JMJD1C: variants seen among roughly 807,000 people sequenced by gnomAD.
JMJD1C encodes the protein jumonji domain-containing protein 1C.
Under a neutral mutation model 245.3 loss-of-function variants are expected in JMJD1C, and 31 were observed. That is an observed-to-expected ratio of 0.13 (90% CI 0.09 to 0.17). JMJD1C has a LOEUF of 0.17. JMJD1C is among the 10% of genes least tolerant of loss of function. JMJD1C has a pLI of 1.00. For missense variants in JMJD1C, 2,691 were observed against 3,000.2 expected, an observed-to-expected ratio of 0.90 and a Z score of 2.41; for synonymous variants, 1,057 against 1,017.4, an observed-to-expected ratio of 1.04 and a Z score of -0.74.
At chr10:63,340,149 T>A (rs1943234620) in intron 2 of JMJD1C, among the ~76,000 whole-genome samples, 1 of 152,202 alleles carries the variant, frequency 6.6e-6, no homozygotes, top group Non-Finnish European at 1.5e-5. Context: ...TGACACCACA[T>A]GTGGGAATTT....
At chr10:63,317,441 C>A (rs925832523) in intron 2 of JMJD1C, among the ~76,000 whole-genome samples, 1 of 151,988 alleles carries the variant, frequency 6.6e-6, no homozygotes, top group Non-Finnish European at 1.5e-5. Flanking sequence ...TAACTATAGT[C>A]ATCCTGCTCT....
chr10:63,202,604 T>C (rs1005657024), intron 10 of JMJD1C: 5 of 985,340 alleles, frequency 5.1e-6, no homozygotes, highest in Non-Finnish European at 6.0e-6. Flanking sequence ...TACAATTACA[T>C]GCTTTCCCCT....
At chr10:63,355,769 C>G (rs1177948714) in intron 2 of JMJD1C, among the ~76,000 whole-genome samples, 1 of 151,830 alleles carries the variant, frequency 6.6e-6, no homozygotes, top group Non-Finnish European at 1.5e-5. Flanking sequence ...AATGTGTGCT[C>G]ATGTGCATTT....
At chr10:63,306,262 G>C (rs925589817) in intron 2 of JMJD1C, among the ~76,000 whole-genome samples, 1 of 151,918 alleles carries the variant, frequency 6.6e-6, no homozygotes, top group Admixed American at 6.6e-5. Context: ...GCTAATTTTT[G>C]TATTTTTAGT....
At chr10:63,381,137 G>A (rs1947181727) in intron 1 of JMJD1C, among the ~76,000 whole-genome samples, 1 of 152,180 alleles carries the variant, frequency 6.6e-6, no homozygotes, top group South Asian at 2.1e-4. Context: ...AGAACTGGAG[G>A]TGATTATGTT....
rs988550037 is a variant in JMJD1C at position 63,421,807 on chromosome 10, A to C, written c.169-41325T>G. Among the ~76,000 whole-genome samples, 9 of 152,294 alleles carry C rather than the reference A, an allele frequency of 5.9e-5. No homozygotes were observed. In the East Asian group the frequency reaches 1.7e-3, roughly 29 times the overall value. On this transcript the variant is annotated intron_variant, in intron 1 of 25. Coordinates refer to ENST00000399262, the MANE Select transcript of JMJD1C (RefSeq NM_032776.3). The stretch of plus-strand genomic sequence containing the variant: ...CTCTTACCCTGTCATACACAAGAGA[A>C]GGCCATGTGAGGACATGGCAAGAAA...
chr10:63,296,014 T>TATATATA (rs1554877207), intron 2 of JMJD1C, among the ~76,000 whole-genome samples: 2 of 23,816 alleles, frequency 8.4e-5, no homozygotes, highest in African/African-American at 4.3e-4. Context: ...TATATATATA[T>TATATATA]TTTTTTTTTT....
intron 2 of JMJD1C, among the ~76,000 whole-genome samples, chr10:63,296,765 T>A (rs1859480090): frequency 6.6e-6 from 1 of 152,224 alleles, no homozygotes; most frequent in Non-Finnish European, 1.5e-5. Context: ...ATCAGCTATA[T>A]TTTCTACATG....
intron 1 of JMJD1C, among the ~76,000 whole-genome samples, chr10:63,462,657 G>T (rs868706882): frequency 6.6e-6 from 1 of 152,190 alleles, no homozygotes; most frequent in African/African-American, 2.4e-5. Context: ...AACGGTCAGA[G>T]AGATACAACT....
At chr10:63,493,995 T>G (rs1345461085) in intron 1 of JMJD1C, among the ~76,000 whole-genome samples, 2 of 152,202 alleles carry the variant, frequency 1.3e-5, no homozygotes, top group Non-Finnish European at 2.9e-5. Context: ...GATTTCTATG[T>G]AGCCTGACTC....
intron 2 of JMJD1C, among the ~76,000 whole-genome samples, chr10:63,290,628 G>T (rs2133936858): frequency 6.6e-6 from 1 of 152,204 alleles, no homozygotes; most frequent in East Asian, 1.9e-4. Flanking sequence ...AAGCTACACT[G>T]GCAAGACACA....
intron 2 of JMJD1C, among the ~76,000 whole-genome samples, chr10:63,375,571 G>A (rs10995524): frequency 6.7e-6 from 1 of 148,688 alleles, no homozygotes; most frequent in South Asian, 2.1e-4. Context: ...TAGTTTTAGA[G>A]ACAGGGTCTC....
intron 2 of JMJD1C, among the ~76,000 whole-genome samples, chr10:63,303,345 GC>G (rs1300903389): frequency 2.0e-5 from 3 of 152,040 alleles, no homozygotes; most frequent in Admixed American, 2.0e-4. Context: ...TCGCTCTGTC[GC>G]CCAGGCCGGA....
At chr10:63,411,852 C>CA (rs1240381897) in intron 1 of JMJD1C, among the ~76,000 whole-genome samples, 2 of 151,862 alleles carry the variant, frequency 1.3e-5, no homozygotes, top group African/African-American at 4.8e-5. Flanking sequence ...TCCCACCTAC[C>CA]TTGGCCTCCC....
chr10:63,297,295 C>G (rs1209993667), intron 2 of JMJD1C, among the ~76,000 whole-genome samples: 1 of 152,114 alleles, frequency 6.6e-6, no homozygotes, highest in Non-Finnish European at 1.5e-5. Flanking sequence ...CCAGGCCCAC[C>G]CATGGACCAG....
chr10:63,464,956 C>T (rs1365654488), intron 1 of JMJD1C, among the ~76,000 whole-genome samples: 1 of 152,254 alleles, frequency 6.6e-6, no homozygotes, highest in Non-Finnish European at 1.5e-5. Flanking sequence ...CCACCACGGC[C>T]TCTGCCTCTA....
intron 1 of JMJD1C, among the ~76,000 whole-genome samples, chr10:63,482,856 G>A (rs1051738770): frequency 6.6e-6 from 1 of 152,174 alleles, no homozygotes; most frequent in African/African-American, 2.4e-5. Flanking sequence ...ACATAGTTGA[G>A]CAAAGGAAGC....
At chr10:63,294,575 C>T (rs1156874111) in intron 2 of JMJD1C, among the ~76,000 whole-genome samples, 1 of 152,182 alleles carries the variant, frequency 6.6e-6, no homozygotes, top group Non-Finnish European at 1.5e-5. Context: ...TGAGCCACTG[C>T]ACCCTGGTCA....
At chr10:63,217,179 C>T in intron 5 of JMJD1C, 28 bp downstream of exon 5, 1 of 1,585,990 alleles carries the variant, frequency 6.3e-7, no homozygotes, top group Non-Finnish European at 8.6e-7. Flanking sequence ...TTTAAAATCT[C>T]TATAAAAATA....
Sources: gnomAD v4.1 joint callset for allele counts (sites outside exome capture counted in the v4.1 genomes callset) on GRCh38, gnomAD v4.1.1 for gene constraint, MANE v1.5 for transcripts, NCBI Gene and HGNC (gene_info 2026-07-23, HGNC 2026-07-21) for gene names.